The following MBTPS1 variants were observed in gnomAD, a reference collection of about 807,000 sequenced individuals.
MBTPS1 encodes membrane bound transcription factor peptidase, site 1.
Under a neutral mutation model 127.8 loss-of-function variants are expected in MBTPS1, and 94 were observed. The observed-to-expected ratio is 0.74, with a 90% confidence interval of 0.62 to 0.87. The LOEUF is 0.87. Ranked by LOEUF, MBTPS1 falls within the 40% of genes least tolerant of loss-of-function variation. The pLI is 0.00. For missense variants in MBTPS1, 1,636 were observed against 1,353.2 expected (o/e 1.21, Z -3.28); for synonymous variants, 632 against 509.4 (o/e 1.24, Z -3.24).
intron 19 of MBTPS1, 72 bp from the exon 20 acceptor site, chr16:84,060,885 G>C: frequency 1.4e-6 from 2 of 1,430,432 alleles, no homozygotes; most frequent in South Asian, 1.3e-5. Context: ...TTGTCACCCA[G>C]TGCAGTGGCG....
At chr16:84,112,756 C>T (rs1055791340) in intron 1 of MBTPS1, among the ~76,000 whole-genome samples, 1 of 151,436 alleles carries the variant, frequency 6.6e-6, no homozygotes, top group South Asian at 2.1e-4. Context: ...GGGCAGATCA[C>T]CCGAGGTCAG....
chr16:84,085,233 TA>T, intron 9 of MBTPS1, 99 bp from the exon 10 acceptor site: 1 of 1,190,836 alleles, frequency 8.4e-7, no homozygotes, highest in Non-Finnish European at 1.2e-6. Flanking sequence ...ATGGGTTAGT[TA>T]AAAACTGTAT....
At chr16:84,096,768 G>A (rs895386110) in intron 3 of MBTPS1, among the ~76,000 whole-genome samples, 2 of 152,110 alleles carry the variant, frequency 1.3e-5, no homozygotes, top group Non-Finnish European at 2.9e-5. Flanking sequence ...CAACTGAAAC[G>A]GTTCTTAATT....
At chr16:84,080,216 A>G (rs2085920434) in intron 11 of MBTPS1, among the ~76,000 whole-genome samples, 1 of 152,226 alleles carries the variant, frequency 6.6e-6, no homozygotes, top group Admixed American at 6.5e-5. Flanking sequence ...CACTGATGTA[A>G]AGAACTGAAT....
intron 1 of MBTPS1, among the ~76,000 whole-genome samples, chr16:84,104,786 G>C (rs1567504380): frequency 6.6e-6 from 1 of 152,036 alleles, no homozygotes; most frequent in Non-Finnish European, 1.5e-5. Flanking sequence ...TGAAAAAAAG[G>C]CCAGGCGCGG....
intron 22 of MBTPS1, among the ~76,000 whole-genome samples, chr16:84,055,244 A>G (rs967013386): frequency 5.9e-5 from 9 of 152,206 alleles, no homozygotes; most frequent in Non-Finnish European, 1.3e-4. Flanking sequence ...ACCTATGCGC[A>G]AGGCCCTCAG....
At chr16:84,090,617 A>T (rs1366130549) in intron 8 of MBTPS1, among the ~76,000 whole-genome samples, 1 of 152,234 alleles carries the variant, frequency 6.6e-6, no homozygotes, top group African/African-American at 2.4e-5. Flanking sequence ...CCTCTAAATT[A>T]CTATTTGTAA....
intron 1 of MBTPS1, among the ~76,000 whole-genome samples, chr16:84,108,975 T>C (rs1278833635): frequency 1.3e-5 from 2 of 152,240 alleles, no homozygotes; most frequent in African/African-American, 4.8e-5. Flanking sequence ...GACTAACAGA[T>C]GTAGAAAGAA....
In MBTPS1 at chr16:84,095,811, G is replaced by A; in HGVS notation, c.422-6C>T. 6.2e-7 allele frequency: 1 copy of A among 1,612,020 alleles called. No homozygotes were observed. The highest frequency in any genetic ancestry group is 8.5e-7 in the Non-Finnish European group (1 of 1,178,974). On this transcript the variant is annotated splice_region_variant and splice_polypyrimidine_tract_variant and intron_variant, in intron 3 of 22. Coordinates refer to ENST00000343411, the MANE Select transcript of MBTPS1 (RefSeq NM_003791.4). ...GCAGGGTACTGTGGGGTCAGCTACA[G>A]GCAAGGGAGAGAAAGATCAGAACAG...
intron 21 of MBTPS1, chr16:84,056,634 C>A (rs1446982505): frequency 6.5e-6 from 1 of 152,886 alleles, no homozygotes; most frequent in Non-Finnish European, 1.5e-5. Flanking sequence ...TCTGAAGAAA[C>A]CACTGTCTCC....
At chr16:84,114,772 G>A (rs572526181) in intron 1 of MBTPS1, among the ~76,000 whole-genome samples, 12 of 145,626 alleles carry the variant, frequency 8.2e-5, no homozygotes, top group African/African-American at 2.6e-4. Context: ...AGAAGTTGCA[G>A]TGAGCCGAGA....
At chr16:84,094,628 T>A (rs1454656945) in intron 4 of MBTPS1, among the ~76,000 whole-genome samples, 1 of 152,182 alleles carries the variant, frequency 6.6e-6, no homozygotes, top group Non-Finnish European at 1.5e-5. Flanking sequence ...AAATAATCTA[T>A]TAAACTGAGA....
chr16:84,067,302 T>C (rs1597310857), intron 16 of MBTPS1, among the ~76,000 whole-genome samples: 1 of 152,194 alleles, frequency 6.6e-6, no homozygotes, highest in South Asian at 2.1e-4. Context: ...TCTTACTCTA[T>C]GAGCAACTTT....
At chr16:84,082,736 T>C (rs1476384622) in intron 10 of MBTPS1, among the ~76,000 whole-genome samples, 1 of 152,168 alleles carries the variant, frequency 6.6e-6, no homozygotes, top group Non-Finnish European at 1.5e-5. Context: ...AAATGGGAAA[T>C]CTGACATAAG....
chr16:84,055,225 C>T (rs2085505041), intron 22 of MBTPS1, among the ~76,000 whole-genome samples: 1 of 152,206 alleles, frequency 6.6e-6, no homozygotes. Flanking sequence ...ACCTTCAGCG[C>T]ACCCCGTGAC....
Position 84,090,900 on chromosome 16 carries a change from T to A in MBTPS1, c.1006A>T (p.Ile336Phe). ...TANNVIMVSA[I>F]GNDGPLYGTL... is the part of the protein sequence containing the mutation. ...CCATAAAGAGGTCCGTCATTGCCAA[T>A]AGCAGAAACCATGATTACATTGTTA... is the stretch of plus-strand genomic sequence containing the variant. Residue 336 changes from isoleucine (I) to phenylalanine (F), a missense_variant, in exon 8 of 23, where the codon ATT becomes TTT. Physicochemically the swap from Ile to Phe is conservative, Grantham distance 21. Transcript: ENST00000343411. 6.2e-7 allele frequency: 1 copy of A among 1,612,808 alleles called. No individual in the cohort carries two copies. The highest frequency in any genetic ancestry group is 8.5e-7 in the Non-Finnish European group (1 of 1,179,682).
chr16:84,112,582 A>T (rs2086412475), intron 1 of MBTPS1, among the ~76,000 whole-genome samples: 2 of 151,654 alleles, frequency 1.3e-5, no homozygotes, highest in Admixed American at 1.3e-4. Flanking sequence ...GAATGGCGTG[A>T]ATCTGGGAGG....
chr16:84,059,247 A>C (rs925425414), intron 21 of MBTPS1, 55 bp downstream of exon 21: 6 of 1,565,160 alleles, frequency 3.8e-6, no homozygotes, highest in Admixed American at 1.9e-5. Flanking sequence ...CTATAAGAAA[A>C]GCAATGACTC....
intron 1 of MBTPS1, among the ~76,000 whole-genome samples, chr16:84,110,385 GAGGCACCCCCTCTAGAATAAA>G (rs1339925829): frequency 2.6e-5 from 4 of 152,016 alleles, no homozygotes; most frequent in Admixed American, 2.0e-4. Context: ...AGAAAAACCT[GAGGCACCCCCTCTAGAATAAA>G]AATTATGTTT....
Sources: gnomAD v4.1 joint callset for allele counts (sites outside exome capture counted in the v4.1 genomes callset) on GRCh38, gnomAD v4.1.1 for gene constraint, MANE v1.5 for transcripts, NCBI Gene and HGNC (gene_info 2026-07-23, HGNC 2026-07-21) for gene names.